Variants in C12orf42 observed in about 807,000 individuals in gnomAD.
The protein encoded by C12orf42 is chromosome 12 open reading frame 42, also known as uncharacterized protein C12orf42.
A neutral mutation model predicts 21.6 loss-of-function variants in C12orf42; 25 were observed. That is an observed-to-expected ratio of 1.16 (90% confidence interval 0.84 to 1.62). C12orf42 has a LOEUF of 1.62. C12orf42 is among the 40% of genes most tolerant of loss of function. The pLI, the probability that C12orf42 is intolerant of heterozygous loss-of-function variation, is 0.00. For missense variants in C12orf42, 483 were observed against 459.3 expected (o/e 1.05, Z -0.47); for synonymous variants, 174 against 175.0 (o/e 0.99, Z 0.05).
chr12:103,484,633 A>T (rs999420886), intron 1 of C12orf42, among the ~76,000 whole-genome samples: 4 of 151,848 alleles, frequency 2.6e-5, no homozygotes, highest in African/African-American at 9.7e-5. Context: ...ATGGTAGTTT[A>T]TTTTGCTGTG....
At chr12:103,181,451 G>A in the C12orf42 span, among the ~76,000 whole-genome samples, 9 of 152,208 alleles carry the variant, frequency 5.9e-5, no homozygotes, top group Middle Eastern at 3.4e-3. Flanking sequence ...CTTTGAAATG[G>A]GTTACTCAAC....
the C12orf42 span, among the ~76,000 whole-genome samples, chr12:103,140,339 C>T: frequency 6.6e-6 from 1 of 152,140 alleles, no homozygotes. Context: ...TATTCAGACC[C>T]CGGGAAGGGA....
intron 10 of C12orf42, among the ~76,000 whole-genome samples, chr12:103,258,945 AT>A (rs2034755341): frequency 6.6e-6 from 1 of 152,214 alleles, no homozygotes; most frequent in African/African-American, 2.4e-5. Flanking sequence ...CCCCACTAAT[AT>A]GCTGATCATA....
intron 3 of C12orf42, among the ~76,000 whole-genome samples, chr12:103,388,879 T>G (rs2046842535): frequency 6.6e-6 from 1 of 152,242 alleles, no homozygotes; most frequent in Non-Finnish European, 1.5e-5. Context: ...AATAGGGTCA[T>G]GCAGGCAGCC....
At chr12:103,514,626 A>G in the C12orf42 span, among the ~76,000 whole-genome samples, 1 of 152,166 alleles carries the variant, frequency 6.6e-6, no homozygotes, top group Non-Finnish European at 1.5e-5. Context: ...GAACAGAGAA[A>G]ATATATGATC....
intron 4 of C12orf42, among the ~76,000 whole-genome samples, chr12:103,288,799 T>G (rs898356999): frequency 1.3e-5 from 2 of 152,216 alleles, no homozygotes; most frequent in African/African-American, 2.4e-5. Context: ...TAACTATTTT[T>G]TATTAGCAAA....
intron 3 of C12orf42, among the ~76,000 whole-genome samples, chr12:103,371,665 T>G (rs2045252269): frequency 6.6e-6 from 1 of 152,088 alleles, no homozygotes; most frequent in Non-Finnish European, 1.5e-5. Flanking sequence ...ATTTTTTTCC[T>G]GACTTGGTTA....
At chr12:103,230,737 C>T in the C12orf42 span, among the ~76,000 whole-genome samples, 18 of 152,264 alleles carry the variant, frequency 1.2e-4, no homozygotes, top group African/African-American at 4.3e-4. Flanking sequence ...AAATGTTAGT[C>T]TTCTAAAATA....
chr12:103,413,471 T>C (rs1483133013), intron 2 of C12orf42, among the ~76,000 whole-genome samples: 1 of 78,364 alleles, frequency 1.3e-5, no homozygotes, highest in African/African-American at 4.7e-5. Flanking sequence ...ATTTTGGTAT[T>C]TACTCTATTA....
chr12:103,203,071 T>C, the C12orf42 span, among the ~76,000 whole-genome samples: 1 of 152,120 alleles, frequency 6.6e-6, no homozygotes, highest in Non-Finnish European at 1.5e-5. Flanking sequence ...TCCCAGATAT[T>C]TGATATTTGT....
At chr12:103,267,333 A>T (rs777812277), downstream of C12orf42, among the ~76,000 whole-genome samples, 2 of 152,172 alleles carry the variant, frequency 1.3e-5, no homozygotes, top group Non-Finnish European at 2.9e-5. Flanking sequence ...ACAAATATTG[A>T]TTGAGTGCTC....
chr12:103,135,234 C>A, the C12orf42 span, among the ~76,000 whole-genome samples: 1 of 152,038 alleles, frequency 6.6e-6, no homozygotes, highest in Non-Finnish European at 1.5e-5. Flanking sequence ...GCAGGTGGAT[C>A]ACTGGAGCTC....
chr12:103,521,316 TGGATTAAGA>T, the C12orf42 span, among the ~76,000 whole-genome samples: 1 of 152,154 alleles, frequency 6.6e-6, no homozygotes, highest in Non-Finnish European at 1.5e-5. Context: ...AATGATAGAC[TGGATTAAGA>T]GGTGCCATCG....
chr12:103,075,636 G>A, the C12orf42 span, among the ~76,000 whole-genome samples: 2 of 151,990 alleles, frequency 1.3e-5, no homozygotes, highest in Non-Finnish European at 2.9e-5. Context: ...TATTCCATTG[G>A]AATTGTATTT....
the C12orf42 span, among the ~76,000 whole-genome samples, chr12:103,516,767 A>G: frequency 6.6e-6 from 1 of 152,212 alleles, no homozygotes; most frequent in Non-Finnish European, 1.5e-5. Flanking sequence ...ACCATATCAA[A>G]CATGCTTAAA....
At chr12:103,337,976 T>C (rs747698120) in intron 4 of C12orf42, among the ~76,000 whole-genome samples, 14 of 152,214 alleles carry the variant, frequency 9.2e-5, no homozygotes, top group Non-Finnish European at 2.1e-4. Flanking sequence ...TCCATGTTTC[T>C]ACAGGATATT....
the C12orf42 span, among the ~76,000 whole-genome samples, chr12:103,542,255 T>C: frequency 6.6e-6 from 1 of 152,252 alleles, no homozygotes; most frequent in East Asian, 1.9e-4. Flanking sequence ...CAAGAATCAT[T>C]ATTCATTACA....
chr12:103,498,573 T>C (rs1955632485), upstream of C12orf42, among the ~76,000 whole-genome samples: 1 of 152,172 alleles, frequency 6.6e-6, no homozygotes, highest in Non-Finnish European at 1.5e-5. Flanking sequence ...GGACAAACAC[T>C]GCATGATCTC....
the C12orf42 span, among the ~76,000 whole-genome samples, chr12:103,222,047 G>A: frequency 4.9e-3 from 744 of 152,246 alleles, 6 homozygotes; most frequent in African/African-American, 0.017. Flanking sequence ...GCCATAGGAA[G>A]GGCAAGATGA....
Sources: allele counts gnomAD v4.1 joint callset (sites outside exome capture counted in the v4.1 genomes callset), GRCh38; gene constraint gnomAD v4.1.1; transcripts MANE v1.5; gene names NCBI Gene and HGNC (gene_info 2026-07-23, HGNC 2026-07-21).